Variants in FSTL4 observed in about 807,000 individuals in gnomAD.
FSTL4 encodes follistatin like 4, also known as follistatin-related protein 4.
A neutral mutation model predicts 78.2 loss-of-function variants in FSTL4; 28 were observed. That is an observed-to-expected ratio of 0.36 (90% CI 0.27 to 0.49). The LOEUF (loss-of-function observed/expected upper bound fraction) is 0.49. Among genes scored for constraint, FSTL4 ranks in the 20% least tolerant of loss-of-function variants. The probability of loss-of-function intolerance (pLI) is 0.98; values close to 1 mark genes in which losing one functional copy is unlikely to be tolerated. For missense variants in FSTL4, 922 were observed against 1,084.9 expected, an observed-to-expected ratio of 0.85 and a Z score of 2.11; for synonymous variants, 422 against 440.5, an observed-to-expected ratio of 0.96 and a Z score of 0.53.
In FSTL4 at chr5:133,500,927, A is replaced by C. The variant is rs143728572; in HGVS notation, c.160+66259T>G. 1.2e-4 allele frequency among the ~76,000 whole-genome samples: 18 copies of C among 151,612 alleles called. No individual in the cohort carries two copies. The East Asian group carries it at 3.5e-3, about 29-fold the overall frequency. On this transcript the variant is annotated intron_variant, in intron 3 of 15. Transcript: ENST00000265342. ...CTCTTGTAAAGCACAGAAACTGACAAGACTCCTGTTTGCTTCATGAAAAAA... is the reference window on the plus strand; with the variant it reads ...CTCTTGTAAAGCACAGAAACTGACACGACTCCTGTTTGCTTCATGAAAAAA...
intron 4 of FSTL4, among the ~76,000 whole-genome samples, chr5:133,347,404 T>C (rs747104958): frequency 5.9e-5 from 9 of 152,204 alleles, no homozygotes; most frequent in Non-Finnish European, 1.3e-4. Flanking sequence ...TGGAGTGCAG[T>C]GGTGTGATCT....
intron 14 of FSTL4, chr5:133,208,309 A>G (rs926331083): frequency 6.6e-6 from 1 of 152,182 alleles, no homozygotes; most frequent in Admixed American, 6.5e-5. Context: ...GAGCGTGTAG[A>G]TGGGATACCA....
At chr5:133,407,908 G>A (rs1028080875) in intron 3 of FSTL4, among the ~76,000 whole-genome samples, 1 of 152,200 alleles carries the variant, frequency 6.6e-6, no homozygotes, top group Non-Finnish European at 1.5e-5. Context: ...AGCCCACAGT[G>A]CAGACGCTGA....
In FSTL4 at chr5:133,426,354, C is replaced by T. The variant is rs1429131017; in HGVS notation, c.161-25368G>A. Among the ~76,000 whole-genome samples, 2 of 152,254 alleles carry T rather than the reference C, an allele frequency of 1.3e-5. No homozygotes were observed. The highest frequency in any genetic ancestry group is 2.9e-5 in the Non-Finnish European group (2 of 68,014). On this transcript the variant is annotated intron_variant, in intron 3 of 15. Transcript: ENST00000265342. This position sits in a 1 kb window ranked among gnomAD's most constrained non-coding sequence, Gnocchi z 5.0. Reference sequence around the variant, plus strand: ...CCTGGGCTGTGCTGACCCGCAGGACCAGTGGCTTGGGTCTCCTGCATAATG... The same window carrying T: ...CCTGGGCTGTGCTGACCCGCAGGACTAGTGGCTTGGGTCTCCTGCATAATG...
chr5:133,546,542 G>A (rs1002228796), intron 3 of FSTL4, among the ~76,000 whole-genome samples: 1 of 146,564 alleles, frequency 6.8e-6, no homozygotes, highest in African/African-American at 2.5e-5. Context: ...GAGTGAAAAA[G>A]TGTGTTCAGG....
intron 2 of FSTL4, among the ~76,000 whole-genome samples, chr5:133,599,103 T>C (rs539114759): frequency 1.6e-4 from 24 of 151,742 alleles, no homozygotes; most frequent in African/African-American, 5.8e-4. Context: ...TCAGAAAGGG[T>C]GGTTGGGGGT....
the FSTL4 span, among the ~76,000 whole-genome samples, chr5:133,697,635 C>G: frequency 6.6e-6 from 1 of 152,124 alleles, no homozygotes; most frequent in Admixed American, 6.5e-5. Context: ...TGAAATGGGC[C>G]CCTTCTGGTA....
At chr5:133,238,917 G>C (rs1269794690) in intron 7 of FSTL4, among the ~76,000 whole-genome samples, 1 of 152,232 alleles carries the variant, frequency 6.6e-6, no homozygotes, top group Non-Finnish European at 1.5e-5. Flanking sequence ...TCAGCCTGCC[G>C]CTGCACTGTG....
intron 7 of FSTL4, chr5:133,248,642 GA>G (rs946989903): frequency 6.6e-6 from 1 of 152,194 alleles, no homozygotes; most frequent in African/African-American, 2.4e-5. Context: ...GGCAGGTTAA[GA>G]AATTACTCAA....
chr5:133,303,853 G>A (rs1446224349), intron 6 of FSTL4, among the ~76,000 whole-genome samples: 2 of 152,184 alleles, frequency 1.3e-5, no homozygotes, highest in Non-Finnish European at 2.9e-5. Flanking sequence ...CAGTACACCT[G>A]GTTATCACTA....
chr5:133,390,320 C>A (rs2126960493), intron 4 of FSTL4, among the ~76,000 whole-genome samples: 1 of 152,372 alleles, frequency 6.6e-6, no homozygotes, highest in African/African-American at 2.4e-5. Context: ...CTTTCATTAA[C>A]AAGTGATCAA....
chr5:133,248,830 C>T (rs1317057315), intron 7 of FSTL4: 1 of 156,348 alleles, frequency 6.4e-6, no homozygotes, highest in Non-Finnish European at 1.4e-5. Context: ...AATGAACGTC[C>T]CCAAGGTGGG....
the FSTL4 span, among the ~76,000 whole-genome samples, chr5:133,643,847 C>T: frequency 3.3e-5 from 5 of 152,152 alleles, no homozygotes; most frequent in Non-Finnish European, 7.4e-5. Context: ...AGTATTACCC[C>T]ATACGTACAA....
intron 6 of FSTL4, among the ~76,000 whole-genome samples, chr5:133,280,163 T>C (rs1752978353): frequency 6.6e-6 from 1 of 152,202 alleles, no homozygotes; most frequent in Non-Finnish European, 1.5e-5. Flanking sequence ...AAGGTCCTTA[T>C]TGCACTCAGG....
At chr5:133,405,320 G>A (rs1756332460) in intron 3 of FSTL4, among the ~76,000 whole-genome samples, 1 of 152,232 alleles carries the variant, frequency 6.6e-6, no homozygotes. Context: ...CAGAGGCAGT[G>A]TGTGCAGCAT....
chr5:133,822,136 G>GC, the FSTL4 span, among the ~76,000 whole-genome samples: 2 of 151,962 alleles, frequency 1.3e-5, no homozygotes, highest in Admixed American at 1.3e-4. Flanking sequence ...AACACTCCTC[G>GC]CCCCCTGGAC....
the FSTL4 span, among the ~76,000 whole-genome samples, chr5:133,711,659 C>T: frequency 1.3e-5 from 2 of 152,192 alleles, no homozygotes; most frequent in South Asian, 2.1e-4. Context: ...AAGAAACAAC[C>T]GTCCTTGAGA....
At chr5:133,731,464 G>A in the FSTL4 span, among the ~76,000 whole-genome samples, 896 of 152,306 alleles carry the variant, frequency 5.9e-3, 6 homozygotes, top group African/African-American at 0.021. Flanking sequence ...CACACAGCAA[G>A]CTAGAAACAC....
At chr5:133,532,756 C>A (rs1759282049) in intron 3 of FSTL4, among the ~76,000 whole-genome samples, 1 of 152,180 alleles carries the variant, frequency 6.6e-6, no homozygotes, top group African/African-American at 2.4e-5. Flanking sequence ...TCAGTAGGGG[C>A]AATGTCACCT....
Sources: gnomAD v4.1 joint callset for allele counts (sites outside exome capture counted in the v4.1 genomes callset) on GRCh38, gnomAD v4.1.1 for gene constraint, Gnocchi (gnomAD v3.1) non-coding constraint, MANE v1.5 for transcripts, NCBI Gene and HGNC (gene_info 2026-07-23, HGNC 2026-07-21) for gene names.